MYO6: variants seen among roughly 807,000 people sequenced by gnomAD.
MYO6 encodes the protein unconventional myosin-VI.
In MYO6, 74 loss-of-function variants were observed where a neutral mutation model predicts 178.7. The ratio of observed to expected loss-of-function variants is 0.41; its 90% CI spans 0.34 to 0.50. The LOEUF is 0.50. Ranked by LOEUF, MYO6 falls within the 20% of genes least tolerant of loss-of-function variation. MYO6 has a pLI of 0.09. For synonymous variants in MYO6, 477 were observed against 504.6 expected (o/e 0.95, Z 0.73); for missense variants, 1,330 against 1,547.4 (o/e 0.86, Z 2.36).
At chr6:75,791,017 T>C (rs1021267208) in intron 1 of MYO6, among the ~76,000 whole-genome samples, 2 of 152,158 alleles carry the variant, frequency 1.3e-5, no homozygotes, top group African/African-American at 2.4e-5. Flanking sequence ...CACTGCAAGC[T>C]CCGCCTCCCG....
chr6:75,760,423 T>C (rs1427935431), intron 1 of MYO6, among the ~76,000 whole-genome samples: 1 of 152,148 alleles, frequency 6.6e-6, no homozygotes, highest in African/African-American at 2.4e-5. Context: ...TTCTTTCTTC[T>C]CTTGAGGATT....
chr6:75,908,096 T>C (rs1187859009), intron 31 of MYO6, among the ~76,000 whole-genome samples: 1 of 152,218 alleles, frequency 6.6e-6, no homozygotes, highest in Non-Finnish European at 1.5e-5. Context: ...TACACTTTCC[T>C]CCATTGAGTA....
At position 75,836,089 on chromosome 6, in the gene MYO6, A is replaced by G. The variant is rs1773617232; in HGVS notation, c.553+133A>G. The G allele has an allele frequency of 9.7e-6, 7 of 722,860 alleles. No individual in the cohort carries two copies. In the Admixed American group the frequency reaches 1.2e-4, roughly 13 times the overall value. 44.8% of individuals were successfully genotyped at this position (722,860 alleles called of 1,614,324 possible). A position where few individuals can be genotyped will look rare whatever the true frequency, so the allele number is the denominator to read the frequency against. On this transcript the variant is annotated intron_variant, in intron 7 of 34. Coordinates refer to ENST00000369977, the MANE Select transcript of MYO6 (RefSeq NM_004999.4). ...TCCTACTAATCATTGCTCATATATCATCTTGTTATTTACCTAATATCAATT... is the reference window on the plus strand; with the variant it reads ...TCCTACTAATCATTGCTCATATATCGTCTTGTTATTTACCTAATATCAATT...
chr6:75,904,117 C>T (rs1780060287), intron 30 of MYO6, among the ~76,000 whole-genome samples: 1 of 152,080 alleles, frequency 6.6e-6, no homozygotes, highest in Non-Finnish European at 1.5e-5. Context: ...TGATGGGCTT[C>T]CCTTTGAGGG....
chr6:75,913,960 A>C lies in MYO6; in HGVS notation c.3440-103A>C, dbSNP rs1044294081. On this transcript the variant is annotated intron_variant, in intron 33 of 34. Coordinates refer to ENST00000369977, the MANE Select transcript of MYO6 (RefSeq NM_004999.4). ...TTTTGTTTTAAATTTACTATTAGGG[A>C]CCTTTCTTCTTTTTAAAAAATTATT... The C allele has an allele frequency of 8.9e-6, 8 of 898,690 alleles. No individual in the cohort carries two copies. In the South Asian group the frequency reaches 1.2e-4, roughly 14 times the overall value. 55.7% of individuals were successfully genotyped at this position (898,690 alleles called of 1,614,324 possible).
intron 6 of MYO6, 113 bp from the exon 7 acceptor site, chr6:75,835,788 A>T (rs1271696297): frequency 1.4e-6 from 1 of 698,288 alleles, no homozygotes; most frequent in African/African-American, 1.8e-5. Flanking sequence ...GCATTTAATT[A>T]CACATTTGTT....
intron 1 of MYO6, among the ~76,000 whole-genome samples, chr6:75,771,778 G>T (rs1310031417): frequency 6.6e-6 from 1 of 152,148 alleles, no homozygotes; most frequent in Non-Finnish European, 1.5e-5. Flanking sequence ...ATCTTGGAGG[G>T]TGGCATTTGT....
chr6:75,768,900 A>G (rs1040630105), intron 1 of MYO6, among the ~76,000 whole-genome samples: 13 of 152,230 alleles, frequency 8.5e-5, no homozygotes, highest in Admixed American at 8.5e-4. Flanking sequence ...ATGTAGAAGC[A>G]TGGTACCAGC....
At chr6:75,783,956 CT>C (rs1767248880) in intron 1 of MYO6, among the ~76,000 whole-genome samples, 1 of 151,770 alleles carries the variant, frequency 6.6e-6, no homozygotes, top group African/African-American at 2.4e-5. Context: ...GGTGGAGGGA[CT>C]TTTTTATTTT....
At chr6:75,797,121 G>C (rs1471176530) in intron 1 of MYO6, among the ~76,000 whole-genome samples, 2 of 151,936 alleles carry the variant, frequency 1.3e-5, no homozygotes, top group African/African-American at 4.8e-5. Context: ...ACAGAGTCTT[G>C]CTCTGTCACC....
intron 16 of MYO6, among the ~76,000 whole-genome samples, chr6:75,866,201 T>G (rs1291630768): frequency 6.6e-6 from 1 of 152,140 alleles, no homozygotes; most frequent in Non-Finnish European, 1.5e-5. Context: ...AAAAAAAAAT[T>G]TTTTTATTAC....
rs1778046922 is a variant in MYO6, at chr6:75,881,745, T to C, written c.2343T>C (p.Val781=). Residue 781 remains valine, a synonymous_variant, in exon 23 of 35, where the codon GTT becomes GTC. Transcript: ENST00000369977. ...ACCCTGACCACTTAGCAGAGTTGGT[T>C]AAAAGAGTCAATCACTGGCTCACAT... ...KSDPDHLAEL[V]KRVNHWLTCS... 1.2e-6 allele frequency: 2 copies of C among 1,613,938 alleles called. No individual in the cohort carries two copies. The highest frequency in any genetic ancestry group is 2.2e-5 in the South Asian group (2 of 91,080).
In MYO6 at chr6:75,879,843, A is replaced by G; in HGVS notation, c.2101A>G (p.Met701Val). 6.2e-7 allele frequency: 1 copy of G among 1,614,136 alleles called. No homozygotes were observed. Among genetic ancestry groups the G allele is most frequent in the South Asian group, 1.1e-5 (1 of 91,086 alleles). The change falls in exon 21 of 35, where the codon ATG (methionine) becomes GTG (valine). Residue 701 changes from methionine to valine, a missense_variant. This residue lies in a region of MYO6 where 613 missense variants were observed against 816.8 expected (regional missense o/e 0.75). Coordinates refer to ENST00000369977, the MANE Select transcript of MYO6 (RefSeq NM_004999.4). The stretch of plus-strand genomic sequence containing the variant: ...AGGGATGGTGTCTGTTTTGGACTTG[A>G]TGCAGGGTGGTTACCCATCACGAGC... ...CSGMVSVLDL[M>V]QGGYPSRASF...
At chr6:75,809,372 A>G (rs1770437770) in intron 1 of MYO6, among the ~76,000 whole-genome samples, 1 of 152,196 alleles carries the variant, frequency 6.6e-6, no homozygotes, top group South Asian at 2.1e-4. Context: ...TACTGACTTA[A>G]CAGGATTTTT....
intron 1 of MYO6, among the ~76,000 whole-genome samples, chr6:75,810,229 T>C (rs1770560920): frequency 6.6e-6 from 1 of 152,154 alleles, no homozygotes; most frequent in Admixed American, 6.5e-5. Flanking sequence ...CTCGCCCAGA[T>C]CCATCCTGGA....
rs1396822996 is a variant in MYO6 at position 75,860,942 on chromosome 6, A to G, written c.1474-81A>G. 5.6e-6 allele frequency: 6 copies of G among 1,067,100 alleles called. No homozygotes were observed. The African/African-American group carries it at 7.8e-5, about 14-fold the overall frequency. 66.1% of individuals were successfully genotyped at this position (1,067,100 alleles called of 1,614,324 possible). ...TATAAACCTTTGCATTCTAATTAGC[A>G]AATGTTATGTTCAGAAACAGTGCAA... On this transcript the variant is annotated intron_variant, in intron 14 of 34. Transcript: ENST00000369977.
intron 23 of MYO6, among the ~76,000 whole-genome samples, chr6:75,884,294 G>C (rs1309156802): frequency 6.6e-6 from 1 of 152,178 alleles, no homozygotes; most frequent in Non-Finnish European, 1.5e-5. Flanking sequence ...CACTCAGTAT[G>C]TTCATTGTGA....
At chr6:75,827,230 T>C (rs3798445) in intron 3 of MYO6, among the ~76,000 whole-genome samples, 2,643 of 148,748 alleles carry the variant, frequency 0.018, 79 homozygotes, top group East Asian at 0.15. Flanking sequence ...ATAGTAGTTG[T>C]AGTGGTGGTG....
chr6:75,783,635 C>T (rs1264567123), intron 1 of MYO6, among the ~76,000 whole-genome samples: 3 of 150,816 alleles, frequency 2.0e-5, no homozygotes, highest in East Asian at 1.9e-4. Context: ...GTAAGGGCCT[C>T]GGGCTGTGTC....
Sources: gnomAD v4.1 joint callset for allele counts (sites outside exome capture counted in the v4.1 genomes callset) on GRCh38, gnomAD v4.1.1 for gene constraint, gnomAD v4.1.1 regional missense constraint, MANE v1.5 for transcripts, NCBI Gene and HGNC (gene_info 2026-07-23, HGNC 2026-07-21) for gene names.